The following KIR3DL3 variants were observed in gnomAD, a reference collection of about 807,000 sequenced individuals.
The protein encoded by KIR3DL3 is killer cell immunoglobulin-like receptor 3DL3.
Under a neutral mutation model 34.9 loss-of-function variants are expected in KIR3DL3, and 27 were observed. That is an observed-to-expected ratio of 0.77 (90% CI 0.57 to 1.07). The LOEUF is 1.07. KIR3DL3 is among the 50% of genes least tolerant of loss of function. KIR3DL3 has a pLI of 0.00. For missense variants in KIR3DL3, 681 were observed against 528.5 expected (o/e 1.29, Z -2.83); for synonymous variants, 217 against 200.2 (o/e 1.08, Z -0.71).
At chr19:54,733,954 T>A (rs1307471270) in intron 5 of KIR3DL3, among the ~76,000 whole-genome samples, 1 of 152,120 alleles carries the variant, frequency 6.6e-6, no homozygotes. Context: ...AAGGACAGGC[T>A]GTATTGAAAC....
rs1455714511 is a variant in KIR3DL3, at chr19:54,732,476, C to T, written c.949+2690C>T. On this transcript the variant is annotated intron_variant, in intron 5 of 7. Transcript: ENST00000291860. ...TTTCACCATGTTGTGCAGGCTGTCT[C>T]AAACTCCCAATCTCAAGTGATCCCA... 5.3e-5 allele frequency among the ~76,000 whole-genome samples: 8 copies of T among 152,012 alleles called. No homozygotes were observed. The East Asian group carries it at 5.8e-4, about 11-fold the overall frequency.
chr19:54,731,485 G>C (rs1203599575), intron 5 of KIR3DL3, among the ~76,000 whole-genome samples: 3 of 151,454 alleles, frequency 2.0e-5, no homozygotes, highest in African/African-American at 7.3e-5. Context: ...CACTCGTTCA[G>C]CCAATGCCCC....
In KIR3DL3 at chr19:54,726,199, A is replaced by G. The variant is rs1258197256; in HGVS notation, c.217A>G (p.Asn73Asp). Residue 73 changes from asparagine (N) to aspartate (D), a missense_variant, in exon 3 of 8, where the codon AAC (asparagine) becomes GAC (aspartate). Physicochemically the swap from Asn to Asp is conservative, Grantham distance 23. Transcript: ENST00000291860. ...CGGGATGCCTGTCCCTGAGCTCTAC[A>G]ACAGAATATTCCGGAACAGCTTTCT... ...EDGMPVPELY[N>D]RIFRNSFLMG... The G allele has an allele frequency of 6.2e-7, 1 of 1,613,500 alleles. No homozygotes were observed. The highest frequency in any genetic ancestry group is 2.2e-5 in the East Asian group (1 of 44,842).
In KIR3DL3 at chr19:54,729,545, A is replaced by G; in HGVS notation, c.708A>G (p.Ala236=). The change falls in exon 5 of 8, where the codon GCA becomes GCG. Residue 236 remains alanine, a synonymous_variant. Transcript: ENST00000291860. ...LSAQPGPTVQ[A]GENVTLSCSS... is the part of the protein sequence containing the mutation. ...CCCAGCCGGGCCCCACGGTTCAGGC[A>G]GGAGAGAATGTGACCTTGTCCTGCA... The G allele has an allele frequency of 6.2e-7, 1 of 1,607,666 alleles. No individual in the cohort carries two copies. Among genetic ancestry groups the G allele is most frequent in the South Asian group, 1.1e-5 (1 of 90,526 alleles).
intron 4 of KIR3DL3, among the ~76,000 whole-genome samples, chr19:54,728,565 G>A (rs2068450866): frequency 6.6e-6 from 1 of 151,966 alleles, no homozygotes; most frequent in Admixed American, 6.6e-5. Context: ...TGAAATCAGG[G>A]AAATCAAAAA....
In KIR3DL3 at chr19:54,735,318, C is replaced by T; in HGVS notation, c.1015C>T (p.Leu339Phe). 1 of 1,489,880 alleles carries T rather than the reference C, an allele frequency of 6.7e-7. No homozygotes were observed. The highest frequency in any genetic ancestry group is 9.3e-7 in the Non-Finnish European group (1 of 1,072,278). The allele number at this position is 1,489,880 out of a possible 1,614,324, so 92.3% of individuals were successfully genotyped here. The change falls in exon 6 of 8, where the codon CTC becomes TTC. Residue 339 changes from leucine to phenylalanine, a missense_variant. By Grantham distance (22) the Leu-to-Phe change is conservative. Coordinates refer to ENST00000291860, the MANE Select transcript of KIR3DL3 (RefSeq NM_153443.5). The stretch of plus-strand genomic sequence containing the variant: ...GGTCATCATCCCCTTTGCTATCCTC[C>T]TCTTCTTTCTCCTTCATCGCTGGTG... Reference protein sequence around the residue: ...SVVIIPFAILLFFLLHRWCAN... With the variant: ...SVVIIPFAILFFFLLHRWCAN...
At chr19:54,725,993 C>T (rs1350237324) in intron 2 of KIR3DL3, 60 bp from the exon 3 acceptor site, 13 of 1,385,336 alleles carry the variant, frequency 9.4e-6, no homozygotes, top group Non-Finnish European at 1.3e-5. Context: ...CTTCTGAGCA[C>T]AGGGAGGGAG....
At position 54,726,333 on chromosome 19, in the gene KIR3DL3, C is replaced by T. The variant is rs1199846566; in HGVS notation, c.351C>T (p.Val117=). 4.3e-6 allele frequency: 7 copies of T among 1,613,218 alleles called. No individual in the cohort carries two copies. Among genetic ancestry groups the T allele is most frequent in the Non-Finnish European group, 5.9e-6 (7 of 1,179,854 alleles). ...SAPSNPVVIM[V]TGVHRKPSLL... ...CCAGCAACCCTGTGGTGATCATGGTCACAGGTCAGAGGCTTTCTGTCTGGG... is the reference window on the plus strand; with the variant it reads ...CCAGCAACCCTGTGGTGATCATGGTTACAGGTCAGAGGCTTTCTGTCTGGG... Residue 117 remains valine, a synonymous_variant, in exon 3 of 8, where the codon GTC becomes GTT. Coordinates refer to ENST00000291860, the MANE Select transcript of KIR3DL3 (RefSeq NM_153443.5).
chr19:54,729,698 C>T lies in KIR3DL3; in HGVS notation c.861C>T (p.His287=), dbSNP rs1403994143. 5.6e-5 allele frequency: 89 copies of T among 1,597,910 alleles called. 2 individuals are homozygous for T. The African/African-American group carries it at 1.0e-3, about 18-fold the overall frequency. The stretch of plus-strand genomic sequence containing the variant: ...ACTTCCCTCTGGGCCCTGTGACCCA[C>T]GGAGGGAACTACAGATGCTTCGGCT... ...QANFPLGPVT[H]GGNYRCFGSF... Residue 287 remains histidine, a synonymous_variant, in exon 5 of 8, where the codon CAC becomes CAT. Transcript: ENST00000291860.
At position 54,727,759 on chromosome 19, in the gene KIR3DL3, T is replaced by G. The variant is rs375683431; in HGVS notation, c.504T>G (p.Val168=). ...TCACTGAGGACCCCTTGCGCCTCGTTGGACAGCTCCACGATGCGGGTTCCC... is the reference window on the plus strand; with the variant it reads ...TCACTGAGGACCCCTTGCGCCTCGTGGGACAGCTCCACGATGCGGGTTCCC... ...EGITEDPLRL[V]GQLHDAGSQV... is the part of the protein sequence containing the mutation. Residue 168 remains valine (V), a synonymous_variant, in exon 4 of 8, where the codon GTT becomes GTG. Coordinates refer to ENST00000291860, the MANE Select transcript of KIR3DL3 (RefSeq NM_153443.5). 3 of 1,613,262 alleles carry G rather than the reference T, an allele frequency of 1.9e-6. No individual in the cohort carries two copies. Among genetic ancestry groups the G allele is most frequent in the Non-Finnish European group, 1.7e-6 (2 of 1,179,792 alleles).
chr19:54,732,840 A>C (rs1158708741), intron 5 of KIR3DL3, among the ~76,000 whole-genome samples: 1 of 152,164 alleles, frequency 6.6e-6, no homozygotes, highest in Non-Finnish European at 1.5e-5. Flanking sequence ...ACAGGAAACT[A>C]AGGAGGAACA....
At chr19:54,733,728 A>C (rs992387836) in intron 5 of KIR3DL3, among the ~76,000 whole-genome samples, 9 of 152,196 alleles carry the variant, frequency 5.9e-5, no homozygotes, top group African/African-American at 1.9e-4. Flanking sequence ...TGAACCCACC[A>C]GCACAGGTCC....
Position 54,726,228 on chromosome 19 carries a change from G to A in KIR3DL3, c.246G>A (p.Met82Ile), listed in dbSNP as rs2068159204. 7.4e-6 allele frequency: 12 copies of A among 1,613,756 alleles called. No homozygotes were observed. In the South Asian group the frequency reaches 9.9e-5, roughly 13 times the overall value. Residue 82 changes from methionine to isoleucine, a missense_variant, in exon 3 of 8, where the codon ATG (methionine) becomes ATA (isoleucine). Coordinates refer to ENST00000291860, the MANE Select transcript of KIR3DL3 (RefSeq NM_153443.5). The stretch of plus-strand genomic sequence containing the variant: ...GAATATTCCGGAACAGCTTTCTCAT[G>A]GGCCCTGTGACCCCAGCACATGCAG... ...YNRIFRNSFL[M>I]GPVTPAHAGT... is the part of the protein sequence containing the mutation.
At chr19:54,730,727 C>G (rs2068703488) in intron 5 of KIR3DL3, among the ~76,000 whole-genome samples, 2 of 152,124 alleles carry the variant, frequency 1.3e-5, no homozygotes, top group African/African-American at 4.8e-5. Context: ...TTGTAATGAC[C>G]TCCAGTTCCA....
rs1174562914 is a variant in KIR3DL3, at chr19:54,735,885, C to T, written c.1107+13C>T. 6.2e-7 allele frequency: 1 copy of T among 1,606,328 alleles called. No individual in the cohort carries two copies. Among genetic ancestry groups the T allele is most frequent in the Non-Finnish European group, 8.5e-7 (1 of 1,177,766 alleles). On this transcript the variant is annotated intron_variant, in intron 7 of 7. Coordinates refer to ENST00000291860, the MANE Select transcript of KIR3DL3 (RefSeq NM_153443.5). ...AGTGAACAGGGAGGTAGGTGCTCCTCCGCCCAGCCTCGTGGCTAGTCTTAT... is the reference window on the plus strand; with the variant it reads ...AGTGAACAGGGAGGTAGGTGCTCCTTCGCCCAGCCTCGTGGCTAGTCTTAT...
intron 3 of KIR3DL3, among the ~76,000 whole-genome samples, chr19:54,726,826 T>C (rs1179450486): frequency 7.8e-6 from 1 of 128,504 alleles, no homozygotes; most frequent in Non-Finnish European, 1.7e-5. Flanking sequence ...TCCCTGAGTC[T>C]CCAGAGGAAA....
At chr19:54,726,829 A>G (rs1410566445) in intron 3 of KIR3DL3, among the ~76,000 whole-genome samples, 1 of 129,308 alleles carries the variant, frequency 7.7e-6, no homozygotes, top group African/African-American at 2.8e-5. Context: ...CTGAGTCTCC[A>G]GAGGAAACAC....
intron 4 of KIR3DL3, among the ~76,000 whole-genome samples, chr19:54,728,923 T>C (rs1177892868): frequency 6.7e-6 from 1 of 148,604 alleles, no homozygotes; most frequent in Non-Finnish European, 1.5e-5. Context: ...AAATAGATGA[T>C]GAATGACTGA....
At chr19:54,731,629 T>C (rs1337174331) in intron 5 of KIR3DL3, among the ~76,000 whole-genome samples, 2 of 152,116 alleles carry the variant, frequency 1.3e-5, no homozygotes, top group African/African-American at 4.8e-5. Flanking sequence ...TGCATTTCAC[T>C]GGGCTGATAT....
Sources: gnomAD v4.1 joint callset for allele counts (sites outside exome capture counted in the v4.1 genomes callset) on GRCh38, gnomAD v4.1.1 for gene constraint, MANE v1.5 for transcripts, NCBI Gene and HGNC (gene_info 2026-07-23, HGNC 2026-07-21) for gene names.